LRRC51: variants seen among roughly 807,000 people sequenced by gnomAD.
LRRC51 encodes the protein leucine rich repeat containing 51.
A neutral mutation model predicts 17.8 loss-of-function variants in LRRC51; 8 were observed. The ratio of observed to expected loss-of-function variants is 0.45; its 90% CI spans 0.26 to 0.81. The LOEUF is 0.81. Ranked by LOEUF, LRRC51 falls within the 30% of genes least tolerant of loss-of-function variation. The pLI is 0.17. For missense variants in LRRC51, 233 were observed against 239.3 expected (o/e 0.97, Z 0.17); for synonymous variants, 92 against 96.0 (o/e 0.96, Z 0.24).
chr11:72,094,158 C>T (rs1434109285), intron 4 of LRRC51, among the ~76,000 whole-genome samples: 6 of 151,802 alleles, frequency 4.0e-5, no homozygotes. Flanking sequence ...TGGTGGCGGG[C>T]GCCTGTAGTC....
rs1944691504 is a variant in LRRC51, at chr11:72,088,891, A to G, written c.-55-138A>G. 1.0e-5 allele frequency: 10 copies of G among 975,660 alleles called. No individual in the cohort carries two copies. In the Middle Eastern group the frequency reaches 9.8e-4, roughly 95 times the overall value. The allele number at this position is 975,660 out of a possible 1,614,324, so 60.4% of individuals were successfully genotyped here. Reference sequence around the variant, plus strand: ...CTCTATACATGCAAGGATGCAAGGAAGAGTGATTTCATATCTTAAAATGGA... The same window carrying G: ...CTCTATACATGCAAGGATGCAAGGAGGAGTGATTTCATATCTTAAAATGGA... On this transcript the variant is annotated intron_variant, in intron 2 of 5. Transcript: ENST00000289488.
chr11:72,093,508 A>G lies in LRRC51; in HGVS notation c.95A>G (p.Glu32Gly). The G allele has an allele frequency of 6.2e-7, 1 of 1,613,124 alleles. No homozygotes were observed. Among genetic ancestry groups the G allele is most frequent in the Non-Finnish European group, 8.5e-7 (1 of 1,179,600 alleles). The change falls in exon 4 of 6, where the codon GAG becomes GGG. Residue 32 changes from glutamate to glycine, a missense_variant. By Grantham distance (98) the Glu-to-Gly change is moderately conservative (BLOSUM62 -2). Transcript: ENST00000289488. ...TTTGTCCCCACAGATCTGGTAAATGAGGAGCCAAGGACAGGACTACGACCA... is the reference window on the plus strand; with the variant it reads ...TTTGTCCCCACAGATCTGGTAAATGGGGAGCCAAGGACAGGACTACGACCA... ...SIHVIQDLVNEEPRTGLRPLK... is the reference protein window; with the variant it reads ...SIHVIQDLVNGEPRTGLRPLK...
Position 72,095,676 on chromosome 11 carries a change from CTTTT to C in LRRC51, c.*167_*170del, listed in dbSNP as rs200241625. ...GCAAGTAGCTCTAGCCTTTTCTTTT[CTTTT>C]TTTTTTTTTTGAGACGGAGTCTCAC... On this transcript the variant is annotated 3_prime_UTR_variant, in exon 6 of 6. Transcript: ENST00000289488. 2.6e-5 allele frequency: 33 copies of C among 1,286,596 alleles called. No homozygotes were observed. Among genetic ancestry groups the C allele is most frequent in the South Asian group, 3.0e-5 (2 of 67,610 alleles). 79.7% of individuals were successfully genotyped at this position (1,286,596 alleles called of 1,614,324 possible).
Position 72,096,878 on chromosome 11 carries a change from G to C in LRRC51, c.*1358G>C, listed in dbSNP as rs1591171989. 1.4e-5 allele frequency: 18 copies of C among 1,272,408 alleles called. No homozygotes were observed. The highest frequency in any genetic ancestry group is 1.7e-5 in the Non-Finnish European group (17 of 1,002,348). 78.8% of individuals were successfully genotyped at this position (1,272,408 alleles called of 1,614,324 possible). ...TGCTTAAGATTTCATTTGATAAAAA[G>C]AATCTTCTGCTTAAAAACATTTGCT... On this transcript the variant is annotated 3_prime_UTR_variant, in exon 6 of 6. Transcript: ENST00000289488.
chr11:72,094,515 A>C lies in LRRC51; in HGVS notation c.289-433A>C, dbSNP rs930513773. 7 of 595,654 alleles carry C rather than the reference A, an allele frequency of 1.2e-5. No individual in the cohort carries two copies. The Admixed American group carries it at 2.1e-4, about 18-fold the overall frequency. The allele number at this position is 595,654 out of a possible 1,614,324, so 36.9% of individuals were successfully genotyped here. A position where few individuals can be genotyped will look rare whatever the true frequency, so the allele number is the denominator to read the frequency against. ...TCCAAGATCCCTAAGAGGGGAAAGG[A>C]GCTGGAGCATGACTTGGACACTATT... On this transcript the variant is annotated intron_variant, in intron 4 of 5. Coordinates refer to ENST00000289488, the MANE Select transcript of LRRC51 (RefSeq NM_145309.6).
intron 3 of LRRC51, among the ~76,000 whole-genome samples, 156 bp from the exon 4 acceptor site, chr11:72,093,340 G>A (rs978392585): frequency 3.9e-5 from 6 of 152,234 alleles, no homozygotes; most frequent in African/African-American, 1.4e-4. Context: ...GCTGGAAGCT[G>A]TGGGACAGGG....
At chr11:72,094,746 A>C (rs568307962) in intron 4 of LRRC51, 83 of 1,018,244 alleles carry the variant, frequency 8.2e-5, no homozygotes, top group Admixed American at 1.8e-4. Flanking sequence ...CCCTCAGATC[A>C]CAGCTCCTTT....
At chr11:72,091,440 T>C (rs1331523253) in intron 3 of LRRC51, among the ~76,000 whole-genome samples, 1 of 152,054 alleles carries the variant, frequency 6.6e-6, no homozygotes, top group African/African-American at 2.4e-5. Context: ...ATCTGGTGGA[T>C]GTTGCCTGAC....
Position 72,095,732 on chromosome 11 carries a change from G to A in LRRC51, c.*212G>A, listed in dbSNP as rs922989631. ...CTGTCACACAGGCTGGAGTGCAGTGGCACGATCTTGGCTCACTGCAACCTC... is the reference window on the plus strand; with the variant it reads ...CTGTCACACAGGCTGGAGTGCAGTGACACGATCTTGGCTCACTGCAACCTC... On this transcript the variant is annotated 3_prime_UTR_variant, in exon 6 of 6. Coordinates refer to ENST00000289488, the MANE Select transcript of LRRC51 (RefSeq NM_145309.6). The A allele has an allele frequency of 8.4e-5, 108 of 1,293,360 alleles. No homozygotes were observed. The highest frequency in any genetic ancestry group is 2.0e-4 in the Admixed American group (7 of 35,748). The allele number at this position is 1,293,360 out of a possible 1,614,324, so 80.1% of individuals were successfully genotyped here.
At position 72,096,526 on chromosome 11, in the gene LRRC51, T is replaced by C; in HGVS notation, c.*1006T>C. On this transcript the variant is annotated 3_prime_UTR_variant, in exon 6 of 6. Transcript: ENST00000289488. ...GTGCTAGGATTACAGGATAAGCCACTGCACCTGGCCAGCTCTAGTCTTATT... is the reference window on the plus strand; with the variant it reads ...GTGCTAGGATTACAGGATAAGCCACCGCACCTGGCCAGCTCTAGTCTTATT... 7.7e-7 allele frequency: 1 copy of C among 1,303,272 alleles called. No individual in the cohort carries two copies. Among genetic ancestry groups the C allele is most frequent in the Non-Finnish European group, 9.8e-7 (1 of 1,025,166 alleles). 80.7% of individuals were successfully genotyped at this position (1,303,272 alleles called of 1,614,324 possible).
intron 3 of LRRC51, among the ~76,000 whole-genome samples, chr11:72,091,880 C>T (rs1447789841): frequency 3.3e-5 from 5 of 152,200 alleles, no homozygotes; most frequent in Admixed American, 6.5e-5. Flanking sequence ...AACCAGCCTC[C>T]ATTCACTCTT....
At position 72,091,663 on chromosome 11, in the gene LRRC51, C is replaced by T. The variant is rs979786879; in HGVS notation, c.83-1833C>T. Among the ~76,000 whole-genome samples, 4 of 152,266 alleles carry T rather than the reference C, an allele frequency of 2.6e-5. 1 individual carries two copies. Among genetic ancestry groups the T allele is most frequent in the African/African-American group, 2.4e-5 (1 of 41,550 alleles). On this transcript the variant is annotated intron_variant, in intron 3 of 5. Transcript: ENST00000289488. Reference sequence around the variant, plus strand: ...TGAGGCTTTGGGGTGTTCCATACACCGGGGTTCTAACATAATCCTATTCCC... The same window carrying T: ...TGAGGCTTTGGGGTGTTCCATACACTGGGGTTCTAACATAATCCTATTCCC...
At chr11:72,084,019 CAG>C (rs1944389195) in intron 1 of LRRC51, among the ~76,000 whole-genome samples, 1 of 152,156 alleles carries the variant, frequency 6.6e-6, no homozygotes, top group African/African-American at 2.4e-5. Context: ...TTTCTTTTGA[CAG>C]GGTCTCGCTC....
chr11:72,088,050 C>T (rs1463135013), intron 1 of LRRC51, among the ~76,000 whole-genome samples: 1 of 152,068 alleles, frequency 6.6e-6, no homozygotes, highest in Non-Finnish European at 1.5e-5. Context: ...AAGGGGAGGT[C>T]GACTGGGGCA....
chr11:72,087,751 T>C (rs965571372), intron 1 of LRRC51, among the ~76,000 whole-genome samples: 2 of 152,240 alleles, frequency 1.3e-5, no homozygotes, highest in African/African-American at 4.8e-5. Context: ...GTAAAATATC[T>C]CAGTAAGTTT....
intron 3 of LRRC51, 65 bp from the exon 4 acceptor site, chr11:72,093,431 T>C (rs2059632947): frequency 6.8e-7 from 1 of 1,460,628 alleles, no homozygotes; most frequent in Admixed American, 2.0e-5. Context: ...TCCAGCTCTG[T>C]CCCTTCCCAC....
Position 72,095,730 on chromosome 11 carries a change from T to A in LRRC51, c.*210T>A, listed in dbSNP as rs1357344188. On this transcript the variant is annotated 3_prime_UTR_variant, in exon 6 of 6. Transcript: ENST00000289488. ...CTCTGTCACACAGGCTGGAGTGCAG[T>A]GGCACGATCTTGGCTCACTGCAACC... 3.8e-6 allele frequency: 5 copies of A among 1,306,384 alleles called. No individual in the cohort carries two copies. The highest frequency in any genetic ancestry group is 5.0e-6 in the Non-Finnish European group (5 of 998,498). 80.9% of individuals were successfully genotyped at this position (1,306,384 alleles called of 1,614,324 possible). A position where few individuals can be genotyped will look rare whatever the true frequency, so the allele number is the denominator to read the frequency against.
intron 1 of LRRC51, among the ~76,000 whole-genome samples, chr11:72,087,290 T>C (rs1399662286): frequency 2.9e-4 from 1 of 3,484 alleles, no homozygotes; most frequent in African/African-American, 7.1e-4. Context: ...AGAAATTCTT[T>C]TTTTTTTTTT....
intron 5 of LRRC51, 134 bp downstream of exon 5, chr11:72,095,230 C>T (rs1945116100): frequency 6.4e-7 from 1 of 1,563,856 alleles, no homozygotes; most frequent in Non-Finnish European, 8.7e-7. Flanking sequence ...TCTAAGCATT[C>T]CTTGCTCTCA....
Sources: gnomAD v4.1 joint callset for allele counts (sites outside exome capture counted in the v4.1 genomes callset) on GRCh38, gnomAD v4.1.1 for gene constraint, MANE v1.5 for transcripts, NCBI Gene and HGNC (gene_info 2026-07-23, HGNC 2026-07-21) for gene names.